Variants in CAPRIN2 observed in about 807,000 individuals in gnomAD.
CAPRIN2 encodes caprin-2.
In CAPRIN2, 66 loss-of-function variants were observed where a neutral mutation model predicts 130.4. That is an observed-to-expected ratio of 0.51 (90% CI 0.42 to 0.62). The LOEUF is 0.62. CAPRIN2 is among the 20% of genes least tolerant of loss of function. The pLI, the probability that CAPRIN2 is intolerant of heterozygous loss-of-function variation, is 0.00. For missense variants in CAPRIN2, 1,185 were observed against 1,246.6 expected, an observed-to-expected ratio of 0.95 and a Z score of 0.74; for synonymous variants, 471 against 444.1, an observed-to-expected ratio of 1.06 and a Z score of -0.76.
At chr12:30,718,214 A>G (rs113215470) in intron 12 of CAPRIN2, among the ~76,000 whole-genome samples, 125 of 152,356 alleles carry the variant, frequency 8.2e-4, no homozygotes, top group African/African-American at 2.9e-3. Flanking sequence ...AGACAAAAGA[A>G]AAGGTAAAAC....
chr12:30,752,247 T>C (rs1352264268), intron 1 of CAPRIN2, among the ~76,000 whole-genome samples: 1 of 152,136 alleles, frequency 6.6e-6, no homozygotes, highest in African/African-American at 2.4e-5. Flanking sequence ...AAAAGCATTC[T>C]TTAGGTTCCT....
chr12:30,739,378 G>C (rs978705697), intron 3 of CAPRIN2, among the ~76,000 whole-genome samples: 1 of 152,094 alleles, frequency 6.6e-6, no homozygotes, highest in Admixed American at 6.5e-5. Flanking sequence ...CATAAGAGGG[G>C]AACAATACAC....
chr12:30,716,170 C>A, intron 13 of CAPRIN2: 1 of 231,976 alleles, frequency 4.3e-6, no homozygotes, highest in Non-Finnish European at 8.3e-6. Context: ...AAAGGATTAA[C>A]AGAATGGTTT....
At chr12:30,729,245 A>G in exon 8 of CAPRIN2, 2 of 1,611,920 alleles carry the variant, frequency 1.2e-6, no homozygotes, top group Non-Finnish European at 1.7e-6. Context: ...TTGGTTTTCT[A>G]GCATAATCTG....
chr12:30,741,984 T>C (rs969251484), intron 2 of CAPRIN2, among the ~76,000 whole-genome samples: 2 of 152,148 alleles, frequency 1.3e-5, no homozygotes, highest in Non-Finnish European at 2.9e-5. Flanking sequence ...GAAATACTGA[T>C]ACATGCTATA....
intron 5 of CAPRIN2, among the ~76,000 whole-genome samples, chr12:30,731,941 C>A (rs2062824653): frequency 6.6e-6 from 1 of 151,964 alleles, no homozygotes; most frequent in Admixed American, 6.6e-5. Flanking sequence ...CAGCTAGCAA[C>A]CACTCTACCT....
At chr12:30,746,876 T>C (rs1193735497) in intron 2 of CAPRIN2, among the ~76,000 whole-genome samples, 1 of 152,192 alleles carries the variant, frequency 6.6e-6, no homozygotes, top group East Asian at 1.9e-4. Context: ...GCTAAGATAA[T>C]TGATGGAGCT....
At chr12:30,717,449 A>G (rs1262669896) in intron 12 of CAPRIN2, among the ~76,000 whole-genome samples, 1 of 152,202 alleles carries the variant, frequency 6.6e-6, no homozygotes, top group Non-Finnish European at 1.5e-5. Context: ...TTATTGTTTA[A>G]TGAGTACTGA....
intron 3 of CAPRIN2, among the ~76,000 whole-genome samples, chr12:30,736,380 G>A (rs1432155228): frequency 6.8e-6 from 1 of 146,286 alleles, no homozygotes; most frequent in Non-Finnish European, 1.5e-5. Context: ...ATTCCGCAAG[G>A]TATGAAGATT....
chr12:30,721,086 G>A (rs1005865873), intron 11 of CAPRIN2, among the ~76,000 whole-genome samples, 171 bp from the exon 13 acceptor site: 4 of 152,164 alleles, frequency 2.6e-5, no homozygotes, highest in Non-Finnish European at 4.4e-5. Flanking sequence ...TAATCTGTGA[G>A]GTAGGTACTA....
chr12:30,718,895 G>C (rs1037641849), intron 12 of CAPRIN2, among the ~76,000 whole-genome samples, 184 bp downstream of exon 14: 3 of 152,184 alleles, frequency 2.0e-5, no homozygotes, highest in Non-Finnish European at 1.5e-5. Flanking sequence ...AAATTCTAGA[G>C]GCTGTGGATT....
At chr12:30,726,119 G>A in intron 8 of CAPRIN2, 31 bp from the exon 10 acceptor site, 1 of 1,376,524 alleles carries the variant, frequency 7.3e-7, no homozygotes, top group Non-Finnish European at 9.5e-7. Flanking sequence ...GTGTAAGAGT[G>A]AAATGCAAAT....
chr12:30,732,877 G>C (rs890676572), intron 5 of CAPRIN2, among the ~76,000 whole-genome samples: 1 of 152,010 alleles, frequency 6.6e-6, no homozygotes, highest in South Asian at 2.1e-4. Context: ...ATTGCTTAGC[G>C]TTATAAGTGT....
At position 30,714,979 on chromosome 12, in the gene CAPRIN2, C is replaced by T. The variant is rs773805813; in HGVS notation, c.2480G>A (p.Arg827Gln). The T allele has an allele frequency of 4.3e-5, 69 of 1,613,324 alleles. No individual in the cohort carries two copies. The East Asian group carries it at 1.3e-3, about 31-fold the overall frequency. The change falls in exon 14 of 17, where the codon CGG becomes CAG. Residue 827 changes from arginine (R) to glutamine (Q), a missense_variant. Physicochemically the swap from Arg to Gln is conservative, Grantham distance 43 (BLOSUM62 1). This residue lies in a region of CAPRIN2 where 1,104 missense variants were observed against 1,104.3 expected (regional missense o/e 1.00). Coordinates refer to ENST00000298892, the Ensembl canonical transcript of CAPRIN2. Reference sequence around the variant, plus strand: ...CATACCTTTATAACCACCAGGGGACCGATAGGAATTGGTTATTAATCTCCC... The same window carrying T: ...CATACCTTTATAACCACCAGGGGACTGATAGGAATTGGTTATTAATCTCCC...
At chr12:30,728,513 C>T (rs1440241942) in intron 8 of CAPRIN2, 135 bp downstream of exon 9, 7 of 686,834 alleles carry the variant, frequency 1.0e-5, no homozygotes, top group Non-Finnish European at 1.7e-5. Context: ...AGAGATAGTG[C>T]CACTGCACTC....
At chr12:30,734,878 ACACACACACT>A (rs375787754) in intron 4 of CAPRIN2, 80 bp downstream of exon 5, 10,718 of 731,748 alleles carry the variant, frequency 0.015, 196 homozygotes, top group African/African-American at 0.086. Context: ...ACACACACAC[ACACACACACT>A]CTCTCTCTCA....
chr12:30,737,461 C>A (rs1430115147), intron 3 of CAPRIN2, among the ~76,000 whole-genome samples: 1 of 152,112 alleles, frequency 6.6e-6, no homozygotes, highest in Non-Finnish European at 1.5e-5. Flanking sequence ...CATGAAAAGT[C>A]ATGGACAAGA....
intron 11 of CAPRIN2, among the ~76,000 whole-genome samples, chr12:30,721,507 A>T (rs2059394766): frequency 6.6e-6 from 1 of 152,336 alleles, no homozygotes; most frequent in Admixed American, 6.5e-5. Flanking sequence ...AAATTGGGAG[A>T]AAGCACATTA....
Position 30,710,792 on chromosome 12 carries a change from A to G in CAPRIN2, c.2666-322T>C, listed in dbSNP as rs1020591697. Among the ~76,000 whole-genome samples, 2 of 152,092 alleles carry G rather than the reference A, an allele frequency of 1.3e-5. No individual in the cohort carries two copies. The highest frequency in any genetic ancestry group is 4.8e-5 in the African/African-American group (2 of 41,446). ...ACACTTTTTACTTCATCTTCCTCCC[A>G]TAATTCTTAATTTCTCAGAGGTCAT... On this transcript the variant is annotated intron_variant, in intron 16 of 16. Transcript: ENST00000298892. This position sits in a 1 kb window ranked among gnomAD's most constrained non-coding sequence, Gnocchi z 4.8.
Sources: allele counts gnomAD v4.1 joint callset (sites outside exome capture counted in the v4.1 genomes callset), GRCh38; gene constraint gnomAD v4.1.1; regional missense constraint gnomAD v4.1.1; non-coding constraint Gnocchi (gnomAD v3.1); transcripts MANE v1.5; gene names NCBI Gene and HGNC (gene_info 2026-07-23, HGNC 2026-07-21).